Variants in MAF observed in about 807,000 individuals in gnomAD.
MAF encodes the protein MAF bZIP transcription factor.
MAF carries 10 observed loss-of-function variants against 22.0 expected under a neutral mutation model. The ratio of observed to expected loss-of-function variants is 0.45; its 90% CI spans 0.28 to 0.77. MAF has a LOEUF of 0.77. Ranked by LOEUF, MAF falls within the 30% of genes least tolerant of loss-of-function variation. The probability of loss-of-function intolerance (pLI) is 0.12; values close to 1 mark genes in which losing one functional copy is unlikely to be tolerated. For synonymous variants in MAF, 337 were observed against 255.8 expected (o/e 1.32, Z -3.03); for missense variants, 544 against 548.4 (o/e 0.99, Z 0.08).
At chr16:79,265,168 A>T in the MAF span, among the ~76,000 whole-genome samples, 5 of 152,184 alleles carry the variant, frequency 3.3e-5, no homozygotes, top group Middle Eastern at 3.2e-3. Flanking sequence ...TTATTATTCA[A>T]GATCCATTAA....
At chr16:79,369,716 A>G in the MAF span, among the ~76,000 whole-genome samples, 1 of 152,232 alleles carries the variant, frequency 6.6e-6, no homozygotes, top group South Asian at 2.1e-4. Flanking sequence ...GTAGGGCCAG[A>G]GGGCAATCTT....
the MAF span, among the ~76,000 whole-genome samples, chr16:79,216,461 C>A: frequency 6.6e-6 from 1 of 152,156 alleles, no homozygotes; most frequent in African/African-American, 2.4e-5. Flanking sequence ...TCAGTAGAAA[C>A]TGTGCTTAGA....
At chr16:79,208,253 C>G in the MAF span, among the ~76,000 whole-genome samples, 3 of 152,124 alleles carry the variant, frequency 2.0e-5, no homozygotes, top group Admixed American at 2.0e-4. Context: ...CTGGGCTTCC[C>G]AGAAATTCTC....
the MAF span, among the ~76,000 whole-genome samples, chr16:79,346,210 G>A: frequency 7.2e-6 from 1 of 139,306 alleles, no homozygotes; most frequent in Non-Finnish European, 1.5e-5. Flanking sequence ...CCCGGTGTGT[G>A]ATGTTCCCCA....
chr16:79,557,086 C>CGCACCACA, the MAF span, among the ~76,000 whole-genome samples: 1 of 151,874 alleles, frequency 6.6e-6, no homozygotes, highest in Non-Finnish European at 1.5e-5. Context: ...ACTACAGGCT[C>CGCACCACA]GCACCACAGC....
the MAF span, among the ~76,000 whole-genome samples, chr16:79,364,979 A>C: frequency 8.5e-5 from 13 of 152,336 alleles, no homozygotes; most frequent in South Asian, 2.7e-3. Flanking sequence ...AGGAGTGGGA[A>C]GGGAAGTGTT....
the MAF span, among the ~76,000 whole-genome samples, chr16:79,542,814 G>A: frequency 6.6e-6 from 1 of 152,186 alleles, no homozygotes; most frequent in Non-Finnish European, 1.5e-5. Context: ...AGTGACCATG[G>A]CTAGTAGATC....
the MAF span, among the ~76,000 whole-genome samples, chr16:79,369,963 T>G: frequency 6.6e-6 from 1 of 152,208 alleles, no homozygotes; most frequent in Non-Finnish European, 1.5e-5. Context: ...CAACCTTCTG[T>G]AGCTATTCTT....
At chr16:79,417,609 G>C in the MAF span, among the ~76,000 whole-genome samples, 2 of 152,100 alleles carry the variant, frequency 1.3e-5, no homozygotes, top group East Asian at 3.9e-4. Context: ...CAGAGGTTTG[G>C]AGGCGGGGGT....
the MAF span, among the ~76,000 whole-genome samples, chr16:79,420,765 C>T: frequency 2.0e-5 from 3 of 152,342 alleles, no homozygotes; most frequent in Non-Finnish European, 4.4e-5. Flanking sequence ...CGCGGTGGCT[C>T]ATGCCTGTAA....
At chr16:79,503,307 T>C in the MAF span, among the ~76,000 whole-genome samples, 25 of 152,278 alleles carry the variant, frequency 1.6e-4, no homozygotes, top group African/African-American at 6.0e-4. Context: ...TTAAATCCCT[T>C]GATATACTAG....
At chr16:79,366,874 C>A in the MAF span, among the ~76,000 whole-genome samples, 1 of 152,216 alleles carries the variant, frequency 6.6e-6, no homozygotes, top group African/African-American at 2.4e-5. Context: ...TCTGGCCATA[C>A]AAACTCCTAC....
At chr16:79,550,292 G>A in the MAF span, among the ~76,000 whole-genome samples, 4 of 152,062 alleles carry the variant, frequency 2.6e-5, no homozygotes, top group Admixed American at 6.6e-5. Flanking sequence ...GATCTTCAGG[G>A]GGGATTAGGA....
At chr16:79,328,760 T>C in the MAF span, among the ~76,000 whole-genome samples, 2 of 152,182 alleles carry the variant, frequency 1.3e-5, no homozygotes, top group Non-Finnish European at 2.9e-5. Context: ...CAGCTTGTAA[T>C]TAAAATGGAA....
chr16:79,393,385 C>T, the MAF span, among the ~76,000 whole-genome samples: 1 of 152,302 alleles, frequency 6.6e-6, no homozygotes, highest in East Asian at 1.9e-4. Flanking sequence ...TGACAGGATT[C>T]CTAGGCAAAG....
the MAF span, among the ~76,000 whole-genome samples, chr16:79,450,971 G>T: frequency 6.6e-6 from 1 of 152,096 alleles, no homozygotes; most frequent in Non-Finnish European, 1.5e-5. Flanking sequence ...ATGTTCACAG[G>T]ATGATGTCTA....
chr16:79,383,781 G>A, the MAF span, among the ~76,000 whole-genome samples: 1 of 152,152 alleles, frequency 6.6e-6, no homozygotes, highest in Non-Finnish European at 1.5e-5. Context: ...CATTAAACCT[G>A]CAGTTGGTAT....
At chr16:79,367,989 C>T in the MAF span, among the ~76,000 whole-genome samples, 1 of 152,208 alleles carries the variant, frequency 6.6e-6, no homozygotes, top group Non-Finnish European at 1.5e-5. Context: ...TACGTCATCA[C>T]AAACTCCATT....
the MAF span, among the ~76,000 whole-genome samples, chr16:79,209,581 A>C: frequency 6.6e-6 from 1 of 152,220 alleles, no homozygotes; most frequent in South Asian, 2.1e-4. Context: ...ATGGCAAGTC[A>C]CTTGGCCACT....
Sources: gnomAD v4.1 joint callset for allele counts (sites outside exome capture counted in the v4.1 genomes callset) on GRCh38, gnomAD v4.1.1 for gene constraint, MANE v1.5 for transcripts, NCBI Gene and HGNC (gene_info 2026-07-23, HGNC 2026-07-21) for gene names.